Variants in CEACAM1 observed in about 807,000 individuals in gnomAD.
CEACAM1 encodes CEA cell adhesion molecule 1, also known as cell adhesion molecule CEACAM1.
Under a neutral mutation model 49.1 loss-of-function variants are expected in CEACAM1, and 31 were observed. That is an observed-to-expected ratio of 0.63 (90% confidence interval 0.47 to 0.85). The LOEUF is 0.85. Among genes scored for constraint, CEACAM1 ranks in the 40% least tolerant of loss-of-function variants. CEACAM1 has a pLI of 0.00. For synonymous variants in CEACAM1, 244 were observed against 247.8 expected, an observed-to-expected ratio of 0.98 and a Z score of 0.14; for missense variants, 570 against 645.3, an observed-to-expected ratio of 0.88 and a Z score of 1.26.
At position 42,511,261 on chromosome 19, in the gene CEACAM1, G is replaced by A. The variant is rs2041449213; in HGVS notation, c.1429+315C>T. 4 of 570,766 alleles carry A rather than the reference G, an allele frequency of 7.0e-6. No homozygotes were observed. In the East Asian group the frequency reaches 1.2e-4, roughly 16 times the overall value. The allele number at this position is 570,766 out of a possible 1,614,324, so 35.4% of individuals were successfully genotyped here. On this transcript the variant is annotated intron_variant, in intron 7 of 8. Coordinates refer to ENST00000161559, the MANE Select transcript of CEACAM1 (RefSeq NM_001712.5). ...CACAAGATAAGGAAAGTCTCACCAA[G>A]GGAGAGTGCCCACATCCGTAATAGA... is the stretch of plus-strand genomic sequence containing the variant.
intron 5 of CEACAM1, among the ~76,000 whole-genome samples, chr19:42,515,291 G>T (rs1307826497): frequency 6.6e-6 from 1 of 152,080 alleles, no homozygotes. Context: ...CCAAACCCGT[G>T]CAATACTATG....
At chr19:42,515,795 A>C (rs943270456) in intron 5 of CEACAM1, among the ~76,000 whole-genome samples, 3 of 152,234 alleles carry the variant, frequency 2.0e-5, no homozygotes, top group African/African-American at 7.2e-5. Context: ...AATTCTGCAG[A>C]AATAATAAGG....
intron 5 of CEACAM1, among the ~76,000 whole-genome samples, chr19:42,513,893 C>CATATATATAT (rs144403954): frequency 4.0e-4 from 42 of 104,944 alleles, no homozygotes; most frequent in East Asian, 2.6e-3. Context: ...CTTCTCCCTC[C>CATATATATAT]ATATATATAT....
At chr19:42,527,523 G>C in intron 1 of CEACAM1, 123 bp from the exon 2 acceptor site, 1 of 1,211,640 alleles carries the variant, frequency 8.3e-7, no homozygotes, top group Non-Finnish European at 1.1e-6. Flanking sequence ...GTGTGTGTGT[G>C]TGTGTGTGTG....
Position 42,518,931 on chromosome 19 carries a change from G to A in CEACAM1, c.1246+17C>T. 1 of 1,613,758 alleles carries A rather than the reference G, an allele frequency of 6.2e-7. No individual in the cohort carries two copies. The highest frequency in any genetic ancestry group is 8.5e-7 in the Non-Finnish European group (1 of 1,179,676). On this transcript the variant is annotated intron_variant, in intron 5 of 8. Coordinates refer to ENST00000161559, the MANE Select transcript of CEACAM1 (RefSeq NM_001712.5). ...AATCCTAGAGGGACATATAGGAAGG[G>A]GTGAGGAGTCACTTACAGTTTACGT...
intron 1 of CEACAM1, 43 bp downstream of exon 1, chr19:42,528,268 G>C: frequency 3.2e-6 from 5 of 1,573,616 alleles, no homozygotes; most frequent in Non-Finnish European, 4.4e-6. Context: ...GCCATTCTCT[G>C]TGCGCCCTCT....
At chr19:42,527,638 G>A (rs1423010421) in intron 1 of CEACAM1, 13 of 514,148 alleles carry the variant, frequency 2.5e-5, no homozygotes, top group Admixed American at 7.3e-5. Context: ...CCAGGGATCC[G>A]CATGGCTCCC....
chr19:42,519,110 T>G lies in CEACAM1; in HGVS notation c.1084A>C (p.Lys362Gln). ...TCCGAGGACGGGAGACTCTGGTTTT[T>G]GAAGAACCAACGGATGGAGATTCCA... ...DTGISIRWFFKNQSLPSSERM... is the reference protein window; with the variant it reads ...DTGISIRWFFQNQSLPSSERM... Residue 362 changes from lysine (K) to glutamine (Q), a missense_variant, in exon 5 of 9, where the codon AAA (lysine) becomes CAA (glutamine). Transcript: ENST00000161559. 1 of 1,614,190 alleles carries G rather than the reference T, an allele frequency of 6.2e-7. No individual in the cohort carries two copies. Among genetic ancestry groups the G allele is most frequent in the South Asian group, 1.1e-5 (1 of 91,084 alleles).
In CEACAM1 at chr19:42,528,451, G is replaced by T. The variant is rs2041949306; in HGVS notation, c.-77C>A. 7.1e-7 allele frequency: 1 copy of T among 1,409,140 alleles called. No homozygotes were observed. The highest frequency in any genetic ancestry group is 1.0e-6 in the Non-Finnish European group (1 of 998,498). 87.3% of individuals were successfully genotyped at this position (1,409,140 alleles called of 1,614,324 possible). On this transcript the variant is annotated 5_prime_UTR_variant, in exon 1 of 9. Transcript: ENST00000161559. The stretch of plus-strand genomic sequence containing the variant: ...GGAACGCTTCGAGCACGGCTGCTCT[G>T]TCACCTCTGCTGTTTTCCACTCTCT...
intron 6 of CEACAM1, 35 bp downstream of exon 6, chr19:42,512,315 T>C (rs1007673407): frequency 3.0e-5 from 49 of 1,612,796 alleles, no homozygotes; most frequent in Non-Finnish European, 4.1e-5. Context: ...CAGTCAGCCT[T>C]GGAGGAAACA....
chr19:42,513,625 C>A (rs935816793), intron 5 of CEACAM1, among the ~76,000 whole-genome samples: 25 of 151,176 alleles, frequency 1.7e-4, no homozygotes, highest in Non-Finnish European at 4.4e-5. Flanking sequence ...AACTGCACTT[C>A]AATCTAAAAC....
intron 5 of CEACAM1, among the ~76,000 whole-genome samples, chr19:42,515,306 A>C (rs1418799591): frequency 1.3e-5 from 2 of 152,156 alleles, no homozygotes; most frequent in Admixed American, 6.5e-5. Flanking sequence ...ACTATGGAGC[A>C]GGCATTCACA....
chr19:42,519,023 C>G lies in CEACAM1; in HGVS notation c.1171G>C (p.Ala391Pro). Residue 391 changes from alanine (A) to proline (P), a missense_variant, in exon 5 of 9, where the codon GCT becomes CCT. Physicochemically the swap from Ala to Pro is conservative, Grantham distance 27. Coordinates refer to ENST00000161559, the MANE Select transcript of CEACAM1 (RefSeq NM_001712.5). ...LSINPVKRED[A>P]GTYWCEVFNP... ...AAGACCTCACACCAATACGTCCCAG[C>G]ATCCTCCCTCTTGACAGGGTTTATG... The G allele has an allele frequency of 6.2e-7, 1 of 1,614,194 alleles. No individual in the cohort carries two copies. The highest frequency in any genetic ancestry group is 8.5e-7 in the Non-Finnish European group (1 of 1,180,036).
intron 5 of CEACAM1, among the ~76,000 whole-genome samples, chr19:42,514,742 T>C (rs993056316): frequency 6.6e-6 from 1 of 152,178 alleles, no homozygotes; most frequent in Non-Finnish European, 1.5e-5. Flanking sequence ...CATAAAATAG[T>C]GCTGTCAGGT....
chr19:42,527,711 C>A, intron 1 of CEACAM1: 1 of 301,258 alleles, frequency 3.3e-6, no homozygotes, highest in Non-Finnish European at 6.1e-6. Flanking sequence ...TCCCTGACAC[C>A]TCCCCTAGAG....
intron 1 of CEACAM1, among the ~76,000 whole-genome samples, 162 bp from the exon 2 acceptor site, chr19:42,527,562 G>A (rs1213110865): frequency 1.4e-5 from 2 of 146,582 alleles, no homozygotes; most frequent in Non-Finnish European, 3.0e-5. Context: ...ACTGGGTCAA[G>A]GTCAGCAGTG....
In CEACAM1 at chr19:42,519,060, G is replaced by T. The variant is rs200488271; in HGVS notation, c.1134C>A (p.Asn378Lys). ...TGACAGGGTTTATGCTGAGGGTGGT[G>T]TTGCCCTGGGACAGCTTCATCCTCT... Reference protein sequence around the residue: ...SSERMKLSQGNTTLSINPVKR... With the variant: ...SSERMKLSQGKTTLSINPVKR... Residue 378 changes from asparagine to lysine, a missense_variant, in exon 5 of 9, where the codon AAC becomes AAA. Asn to Lys is a moderately conservative substitution (Grantham distance 94, BLOSUM62 0). Coordinates refer to ENST00000161559, the MANE Select transcript of CEACAM1 (RefSeq NM_001712.5). The T allele has an allele frequency of 1.5e-5, 24 of 1,614,066 alleles. No individual in the cohort carries two copies. The highest frequency in any genetic ancestry group is 2.2e-5 in the East Asian group (1 of 44,884).
rs1294466005 is a variant in CEACAM1, at chr19:42,518,955, G to A, written c.1239C>T (p.Asn413=). Residue 413 remains asparagine (N), a synonymous_variant, in exon 5 of 9, where the codon AAC becomes AAT. Coordinates refer to ENST00000161559, the MANE Select transcript of CEACAM1 (RefSeq NM_001712.5). ...SKNQSDPIML[N]VNYNALPQEN... ...GGGTGAGGAGTCACTTACAGTTTAC[G>A]TTCAGCATGATGGGGTCGCTTTGGT... 8.1e-6 allele frequency: 13 copies of A among 1,614,036 alleles called. No homozygotes were observed. Among genetic ancestry groups the A allele is most frequent in the Admixed American group, 5.0e-5 (3 of 60,006 alleles).
intron 5 of CEACAM1, among the ~76,000 whole-genome samples, chr19:42,512,872 T>C (rs2041495810): frequency 6.6e-6 from 1 of 152,088 alleles, no homozygotes; most frequent in South Asian, 2.1e-4. Context: ...TTCACCATAT[T>C]GGTCAGACTG....
Sources: allele counts gnomAD v4.1 joint callset (sites outside exome capture counted in the v4.1 genomes callset), GRCh38; gene constraint gnomAD v4.1.1; transcripts MANE v1.5; gene names NCBI Gene and HGNC (gene_info 2026-07-23, HGNC 2026-07-21).